BCKDHB: variants seen among roughly 807,000 people sequenced by gnomAD.
BCKDHB encodes branched chain keto acid dehydrogenase E1 subunit beta.
BCKDHB carries 41 observed loss-of-function variants against 48.5 expected under a neutral mutation model. That is an observed-to-expected ratio of 0.85 (90% CI 0.66 to 1.10). BCKDHB has a LOEUF of 1.10. Ranked by LOEUF, BCKDHB falls within the 50% of genes least tolerant of loss-of-function variation. BCKDHB has a pLI of 0.00. For synonymous variants in BCKDHB, 201 were observed against 174.8 expected (o/e 1.15, Z -1.18); for missense variants, 496 against 494.2 (o/e 1.00, Z -0.03).
chr6:80,286,728 C>T (rs1766642621), intron 9 of BCKDHB, among the ~76,000 whole-genome samples: 1 of 152,098 alleles, frequency 6.6e-6, no homozygotes, highest in Non-Finnish European at 1.5e-5. Context: ...AGCAGTACAG[C>T]ATTTTTAAAT....
chr6:80,143,158 T>C (rs1771306918), intron 3 of BCKDHB, among the ~76,000 whole-genome samples: 1 of 152,148 alleles, frequency 6.6e-6, no homozygotes, highest in Admixed American at 6.6e-5. Flanking sequence ...CCGTTAAATT[T>C]CAACTGCTCC....
chr6:80,206,541 TTG>T (rs35972426), intron 8 of BCKDHB, among the ~76,000 whole-genome samples: 257 of 144,996 alleles, frequency 1.8e-3, no homozygotes, highest in Non-Finnish European at 1.6e-3. Flanking sequence ...CCTAGAAAGT[TTG>T]TGTGTGTGTG....
intron 9 of BCKDHB, among the ~76,000 whole-genome samples, chr6:80,303,754 A>G (rs74596105): frequency 0.075 from 11,388 of 152,090 alleles, 480 homozygotes; most frequent in African/African-American, 0.11. Flanking sequence ...AACTTGAGTT[A>G]AAAATTTACA....
intron 9 of BCKDHB, among the ~76,000 whole-genome samples, chr6:80,277,289 G>A (rs976638028): frequency 6.6e-6 from 1 of 151,974 alleles, no homozygotes; most frequent in Non-Finnish European, 1.5e-5. Context: ...TCAGCTTTAT[G>A]TAACCCCAGG....
the BCKDHB span, among the ~76,000 whole-genome samples, chr6:80,388,715 G>A: frequency 6.6e-6 from 1 of 152,144 alleles, no homozygotes; most frequent in Non-Finnish European, 1.5e-5. Context: ...TGACCTCATG[G>A]GGAGTTCCCT....
rs541139373 is a variant in BCKDHB, at chr6:80,342,717, A to G, written c.1039-947A>G. 3.9e-5 allele frequency among the ~76,000 whole-genome samples: 6 copies of G among 152,232 alleles called. No individual in the cohort carries two copies. In the South Asian group the frequency reaches 1.0e-3, roughly 26 times the overall value. Reference sequence around the variant, plus strand: ...TGAGGTGGGATTGCTTGAGTCTGGAAGATCGAGGTTGCAGTGAGCCGTGTT... The same window carrying G: ...TGAGGTGGGATTGCTTGAGTCTGGAGGATCGAGGTTGCAGTGAGCCGTGTT... On this transcript the variant is annotated intron_variant, in intron 9 of 9. Coordinates refer to ENST00000320393, the MANE Select transcript of BCKDHB (RefSeq NM_183050.4).
At chr6:80,193,757 A>G (rs993236974) in intron 6 of BCKDHB, among the ~76,000 whole-genome samples, 1 of 151,974 alleles carries the variant, frequency 6.6e-6, no homozygotes, top group Admixed American at 6.6e-5. Context: ...GTTACATGAA[A>G]GATATTAGCT....
At chr6:80,172,232 A>G (rs1772952697) in intron 6 of BCKDHB, among the ~76,000 whole-genome samples, 1 of 152,084 alleles carries the variant, frequency 6.6e-6, no homozygotes, top group African/African-American at 2.4e-5. Flanking sequence ...AGTCCATTGT[A>G]TGAATATCTG....
chr6:80,327,984 C>G (rs1034827318), intron 9 of BCKDHB, among the ~76,000 whole-genome samples: 5 of 112,874 alleles, frequency 4.4e-5, no homozygotes, highest in African/African-American at 1.3e-4. Context: ...ATGTTCTTTT[C>G]TTTTTGTCTG....
At chr6:80,199,505 C>T (rs751267594) in intron 6 of BCKDHB, among the ~76,000 whole-genome samples, 29 of 152,032 alleles carry the variant, frequency 1.9e-4, no homozygotes, top group Non-Finnish European at 3.7e-4. Flanking sequence ...TGGCTAGGCG[C>T]GATGGCTCAC....
At chr6:80,229,625 AG>A (rs1361197116) in intron 8 of BCKDHB, among the ~76,000 whole-genome samples, 1 of 152,240 alleles carries the variant, frequency 6.6e-6, no homozygotes, top group Non-Finnish European at 1.5e-5. Flanking sequence ...TTAAAAAAAA[AG>A]AAAAAGTAAA....
intron 3 of BCKDHB, among the ~76,000 whole-genome samples, chr6:80,164,340 C>T (rs1164810175): frequency 6.6e-6 from 1 of 152,124 alleles, no homozygotes; most frequent in Non-Finnish European, 1.5e-5. Flanking sequence ...TTGATGGTCG[C>T]TCTGCCCAGA....
intron 8 of BCKDHB, among the ~76,000 whole-genome samples, chr6:80,230,122 T>C (rs1234008009): frequency 8.1e-6 from 1 of 122,774 alleles, no homozygotes; most frequent in Non-Finnish European, 1.6e-5. Flanking sequence ...CACTGCAAGC[T>C]CCGCCTCTTG....
the BCKDHB span, among the ~76,000 whole-genome samples, chr6:80,423,649 G>A: frequency 1.3e-5 from 2 of 152,164 alleles, no homozygotes; most frequent in African/African-American, 4.8e-5. Flanking sequence ...TATATAGGTT[G>A]ATTTTGTAGA....
chr6:80,336,357 A>G (rs1197174786), intron 9 of BCKDHB, among the ~76,000 whole-genome samples: 5 of 151,860 alleles, frequency 3.3e-5, no homozygotes, highest in African/African-American at 7.2e-5. Context: ...AAACCCATTT[A>G]GATCAGAAAT....
the BCKDHB span, among the ~76,000 whole-genome samples, chr6:80,389,161 T>C: frequency 5.3e-5 from 8 of 152,284 alleles, no homozygotes; most frequent in Non-Finnish European, 8.8e-5. Flanking sequence ...ATCAAGTAGA[T>C]AGGATGACCC....
chr6:80,164,145 C>G (rs1001142182), intron 3 of BCKDHB, among the ~76,000 whole-genome samples: 2 of 152,144 alleles, frequency 1.3e-5, no homozygotes, highest in Admixed American at 6.5e-5. Flanking sequence ...CTCTCTGACT[C>G]GCTCTCACAG....
chr6:80,145,281 T>C (rs1012303267), intron 3 of BCKDHB, among the ~76,000 whole-genome samples: 1 of 152,310 alleles, frequency 6.6e-6, no homozygotes, highest in African/African-American at 2.4e-5. Flanking sequence ...TGCACAGCCA[T>C]GAGTGGACTG....
At chr6:80,425,415 T>A in the BCKDHB span, among the ~76,000 whole-genome samples, 4 of 152,112 alleles carry the variant, frequency 2.6e-5, no homozygotes, top group Admixed American at 6.5e-5. Context: ...AACAGCTTGG[T>A]TTTTTCAACT....
Sources: gnomAD v4.1 joint callset for allele counts (sites outside exome capture counted in the v4.1 genomes callset) on GRCh38, gnomAD v4.1.1 for gene constraint, MANE v1.5 for transcripts, NCBI Gene and HGNC (gene_info 2026-07-23, HGNC 2026-07-21) for gene names.